Variants in TP53BP1 observed in about 807,000 individuals in gnomAD.
The protein encoded by TP53BP1 is TP53-binding protein 1.
A neutral mutation model predicts 200.8 loss-of-function variants in TP53BP1; 61 were observed. The observed-to-expected ratio is 0.30, with a 90% CI of 0.25 to 0.38. The LOEUF (loss-of-function observed/expected upper bound fraction) is 0.38. Ranked by LOEUF, TP53BP1 falls within the 10% of genes least tolerant of loss-of-function variation. The pLI, the probability that TP53BP1 is intolerant of heterozygous loss-of-function variation, is 1.00. For missense variants in TP53BP1, 2,144 were observed against 2,371.9 expected, an observed-to-expected ratio of 0.90 and a Z score of 2.00; for synonymous variants, 822 against 844.3, an observed-to-expected ratio of 0.97 and a Z score of 0.46.
chr15:43,503,173 G>A (rs113737028), intron 1 of TP53BP1, among the ~76,000 whole-genome samples: 94 of 152,380 alleles, frequency 6.2e-4, no homozygotes, highest in African/African-American at 2.1e-3. Flanking sequence ...GCGCATGCGC[G>A]GGTGTGTGTA....
chr15:43,421,726 A>T (rs1221084204), intron 19 of TP53BP1, 129 bp downstream of exon 19: 2 of 1,290,374 alleles, frequency 1.5e-6, no homozygotes, highest in Non-Finnish European at 2.1e-6. Context: ...CAAATAGTGA[A>T]GAGGGGTAGT....
At chr15:43,411,469 C>T (rs983403484) in intron 24 of TP53BP1, among the ~76,000 whole-genome samples, 2 of 152,338 alleles carry the variant, frequency 1.3e-5, no homozygotes, top group Middle Eastern at 3.4e-3. Flanking sequence ...CTGTTGTAAG[C>T]TGGTGTCTAA....
At chr15:43,493,980 TC>T (rs890375673), upstream of TP53BP1, among the ~76,000 whole-genome samples, 1 of 152,180 alleles carries the variant, frequency 6.6e-6, no homozygotes, top group African/African-American at 2.4e-5. Flanking sequence ...ACCCAGAGAT[TC>T]TATTATCCTA....
chr15:43,502,617 ATT>A (rs776534479), intron 1 of TP53BP1, among the ~76,000 whole-genome samples: 13 of 137,964 alleles, frequency 9.4e-5, no homozygotes, highest in Non-Finnish European at 7.9e-5. Flanking sequence ...ACCACGACCT[ATT>A]TTTTTTTTTT....
At chr15:43,466,580 C>T (rs187955235) in intron 11 of TP53BP1, among the ~76,000 whole-genome samples, 11 of 152,172 alleles carry the variant, frequency 7.2e-5, no homozygotes, top group African/African-American at 2.4e-4. Context: ...AGGCTGGGCA[C>T]GGTAGCTCAC....
intron 11 of TP53BP1, among the ~76,000 whole-genome samples, chr15:43,468,389 A>T (rs2046640147): frequency 6.6e-6 from 1 of 152,074 alleles, no homozygotes; most frequent in Non-Finnish European, 1.5e-5. Flanking sequence ...TATAAGAAAA[A>T]TTAAGAAATT....
chr15:43,440,609 G>A (rs958578511), intron 15 of TP53BP1, among the ~76,000 whole-genome samples: 1 of 151,932 alleles, frequency 6.6e-6, no homozygotes, highest in African/African-American at 2.4e-5. Context: ...AATTCTTGGT[G>A]GGGCATGGTA....
chr15:43,483,233 A>AGCAC (rs2078998642), intron 4 of TP53BP1, among the ~76,000 whole-genome samples: 2 of 142,822 alleles, frequency 1.4e-5, no homozygotes, highest in Middle Eastern at 3.6e-3. Context: ...AAAAGTACAG[A>AGCAC]ACACACACAC....
upstream of TP53BP1, chr15:43,497,328 C>T (rs534009253): frequency 7.6e-6 from 6 of 790,250 alleles, no homozygotes; most frequent in African/African-American, 1.9e-5. Flanking sequence ...TGCAGTGAGC[C>T]GAGATCGCAC....
At chr15:43,484,662 G>T (rs764610717) in intron 4 of TP53BP1, among the ~76,000 whole-genome samples, 1 of 152,032 alleles carries the variant, frequency 6.6e-6, no homozygotes, top group South Asian at 2.1e-4. Context: ...ATATTCCAGG[G>T]ACGCTCATGC....
chr15:43,457,285 T>A (rs2143010588), intron 11 of TP53BP1, 67 bp from the exon 12 acceptor site: 2 of 1,307,038 alleles, frequency 1.5e-6, no homozygotes, highest in Non-Finnish European at 2.0e-6. Context: ...TATCGAATCC[T>A]TGGATTCATA....
At chr15:43,486,257 T>C (rs570240888) in intron 4 of TP53BP1, among the ~76,000 whole-genome samples, 20 of 152,248 alleles carry the variant, frequency 1.3e-4, no homozygotes, top group Middle Eastern at 3.4e-3. Flanking sequence ...ATGCCTGTAA[T>C]CCCAGCTACT....
chr15:43,435,267 C>CAAA (rs377275791), intron 16 of TP53BP1, among the ~76,000 whole-genome samples: 9,078 of 54,978 alleles, frequency 0.17, 1,958 homozygotes, highest in African/African-American at 0.49. Flanking sequence ...GACCCCATCT[C>CAAA]AAAAAAAAAA....
chr15:43,432,433 T>C lies in TP53BP1; in HGVS notation c.3436A>G (p.Lys1146Glu), dbSNP rs764811727. The C allele has an allele frequency of 5.0e-6, 8 of 1,614,190 alleles. No homozygotes were observed. In the Admixed American group the frequency reaches 1.2e-4, roughly 24 times the overall value. Residue 1146 changes from lysine to glutamate, a missense_variant, in exon 17 of 28, where the codon AAG becomes GAG. Lys to Glu is a moderately conservative substitution (Grantham distance 56). Coordinates refer to ENST00000382044, the MANE Select transcript of TP53BP1 (RefSeq NM_001141980.3). The part of the protein sequence containing the change: ...GRSTNKENPS[K>E]ALIERPSQNN... ...TGGCTGGGCCTTTCAATCAAGGCCTTACTAGGATTTTCCTTATTAGTACTC... is the reference window on the plus strand; with the variant it reads ...TGGCTGGGCCTTTCAATCAAGGCCTCACTAGGATTTTCCTTATTAGTACTC...
At chr15:43,431,056 C>T (rs1337955697) in intron 17 of TP53BP1, among the ~76,000 whole-genome samples, 1 of 152,098 alleles carries the variant, frequency 6.6e-6, no homozygotes, top group African/African-American at 2.4e-5. Flanking sequence ...ATAACCAAGA[C>T]AGCTACTAAG....
At chr15:43,440,275 T>C (rs1429202408) in intron 15 of TP53BP1, among the ~76,000 whole-genome samples, 1 of 152,044 alleles carries the variant, frequency 6.6e-6, no homozygotes, top group Non-Finnish European at 1.5e-5. Context: ...CTCAACACTC[T>C]GTCTTGCGGG....
chr15:43,509,487 C>A (rs1165790813), intron 1 of TP53BP1, among the ~76,000 whole-genome samples: 1 of 152,196 alleles, frequency 6.6e-6, no homozygotes, highest in Non-Finnish European at 1.5e-5. Context: ...TGGCTTACTG[C>A]AACCTTCGCC....
At chr15:43,415,291 T>A in intron 23 of TP53BP1, 1 of 359,326 alleles carries the variant, frequency 2.8e-6, no homozygotes, top group Non-Finnish European at 5.4e-6. Context: ...CACTGCAACC[T>A]CCGCCTTCCT....
chr15:43,491,285 T>C (rs1438184604), intron 4 of TP53BP1, among the ~76,000 whole-genome samples: 1 of 152,104 alleles, frequency 6.6e-6, no homozygotes, highest in Non-Finnish European at 1.5e-5. Flanking sequence ...TTCACCATGT[T>C]GGCCAGGCTG....
Sources: allele counts gnomAD v4.1 joint callset (sites outside exome capture counted in the v4.1 genomes callset), GRCh38; gene constraint gnomAD v4.1.1; transcripts MANE v1.5; gene names NCBI Gene and HGNC (gene_info 2026-07-23, HGNC 2026-07-21).